USP6: variants seen among roughly 807,000 people sequenced by gnomAD.
USP6 encodes the protein ubiquitin carboxyl-terminal hydrolase 6.
A neutral mutation model predicts 175.7 loss-of-function variants in USP6; 128 were observed. The ratio of observed to expected loss-of-function variants is 0.73; its 90% confidence interval spans 0.63 to 0.84. The LOEUF (loss-of-function observed/expected upper bound fraction) is 0.84. Among genes scored for constraint, USP6 ranks in the 40% least tolerant of loss-of-function variants. The probability of loss-of-function intolerance (pLI) is 0.00; values close to 1 mark genes in which losing one functional copy is unlikely to be tolerated. For synonymous variants in USP6, 562 were observed against 630.6 expected, an observed-to-expected ratio of 0.89 and a Z score of 1.63; for missense variants, 1,498 against 1,760.3, an observed-to-expected ratio of 0.85 and a Z score of 2.67.
chr17:5,163,010 A>T lies in USP6; in HGVS notation c.3036+6A>T, dbSNP rs2307138. On this transcript the variant is annotated splice_donor_region_variant and intron_variant, in intron 33 of 37. Coordinates refer to ENST00000574788, the MANE Select transcript of USP6 (RefSeq NM_001304284.2). ...ATCAAACATCCCAGGAAAGGGTAAG[A>T]ATTTAGGGCCACCGTAAAATGGTGG... 0.77 allele frequency: 1,205,984 copies of T among 1,565,648 alleles called. 474,707 individuals carry two copies. The highest frequency in any genetic ancestry group is 0.82 in the Non-Finnish European group (950,399 of 1,165,374).
At chr17:5,117,452 G>A (rs1276447196) in intron 1 of USP6, among the ~76,000 whole-genome samples, 1 of 149,834 alleles carries the variant, frequency 6.7e-6, no homozygotes, top group Admixed American at 6.7e-5. Flanking sequence ...GGAGGCAAAG[G>A]TTGCAGTGAG....
intron 14 of USP6, 148 bp downstream of exon 14, chr17:5,133,698 C>T: frequency 8.6e-7 from 1 of 1,163,838 alleles, no homozygotes; most frequent in Non-Finnish European, 1.3e-6. Context: ...GACACAGTCA[C>T]CACAGACAAA....
chr17:5,139,137 G>A (rs780663542), intron 21 of USP6, 118 bp from the exon 22 acceptor site: 8 of 1,597,696 alleles, frequency 5.0e-6, no homozygotes, highest in Admixed American at 5.0e-5. Flanking sequence ...GTCAGTGTCA[G>A]ACCACAGGGG....
intron 32 of USP6, among the ~76,000 whole-genome samples, chr17:5,162,182 C>T (rs1166308498): frequency 1.3e-5 from 2 of 152,060 alleles, no homozygotes; most frequent in Non-Finnish European, 1.5e-5. Context: ...GATGGAGTCT[C>T]GCTGTGTCAC....
In USP6 at chr17:5,130,362, C is replaced by T. The variant is rs1379731209; in HGVS notation, c.-1-5C>T. ...GTGTAACCTTTAGACAATTTTGTCT[C>T]ACAGGATGGACATGGTAGAGAATGC... On this transcript the variant is annotated splice_polypyrimidine_tract_variant and splice_region_variant and intron_variant, in intron 9 of 37. Transcript: ENST00000574788. 6.2e-7 allele frequency: 1 copy of T among 1,613,938 alleles called. No individual in the cohort carries two copies. The highest frequency in any genetic ancestry group is 2.2e-5 in the East Asian group (1 of 44,894).
At chr17:5,123,822 C>T (rs1567769600) in intron 4 of USP6, among the ~76,000 whole-genome samples, 1 of 152,066 alleles carries the variant, frequency 6.6e-6, no homozygotes, top group South Asian at 2.1e-4. Flanking sequence ...CACACACAAA[C>T]ATGCACACAT....
chr17:5,157,505 G>A (rs1436439889), intron 31 of USP6, among the ~76,000 whole-genome samples: 1 of 152,238 alleles, frequency 6.6e-6, no homozygotes, highest in Non-Finnish European at 1.5e-5. Flanking sequence ...AAAGATGAAA[G>A]TTGGACAAGA....
At chr17:5,143,180 G>A (rs1246984519) in intron 25 of USP6, among the ~76,000 whole-genome samples, 1 of 152,184 alleles carries the variant, frequency 6.6e-6, no homozygotes, top group Admixed American at 6.5e-5. Flanking sequence ...GGAGGTGAGG[G>A]GCGCCTCTGC....
intron 30 of USP6, among the ~76,000 whole-genome samples, chr17:5,151,699 G>T (rs1032584013): frequency 3.9e-5 from 6 of 152,184 alleles, no homozygotes; most frequent in Admixed American, 3.9e-4. Context: ...GTTCACAAAT[G>T]TATGAACACC....
At chr17:5,120,564 G>C (rs2072631568) in intron 2 of USP6, 63 bp from the exon 3 acceptor site, 1 of 353,248 alleles carries the variant, frequency 2.8e-6, no homozygotes, top group Non-Finnish European at 5.5e-6. Context: ...GGGAAAGAAG[G>C]CAGGCCCCAG....
Position 5,133,645 on chromosome 17 carries a change from G to T in USP6, c.384+95G>T. 5.9e-6 allele frequency: 6 copies of T among 1,014,316 alleles called. No homozygotes were observed. In the South Asian group the frequency reaches 6.6e-5, roughly 11 times the overall value. The allele number at this position is 1,014,316 out of a possible 1,614,324, so 62.8% of individuals were successfully genotyped here. A position where few individuals can be genotyped will look rare whatever the true frequency, so the allele number is the denominator to read the frequency against. ...CGTCAAGCCCACCCTGGGGTGGGGG[G>T]GTGGGAGGGGATGGTTAGATGCACA... On this transcript the variant is annotated intron_variant, in intron 14 of 37. Coordinates refer to ENST00000574788, the MANE Select transcript of USP6 (RefSeq NM_001304284.2).
In USP6 at chr17:5,133,586, C is replaced by T. The variant is rs547318937; in HGVS notation, c.384+36C>T. The T allele has an allele frequency of 2.3e-4, 334 of 1,469,458 alleles. 1 individual carries two copies. In the South Asian group the frequency reaches 3.5e-3, roughly 16 times the overall value. The allele number at this position is 1,469,458 out of a possible 1,614,324, so 91.0% of individuals were successfully genotyped here. On this transcript the variant is annotated intron_variant, in intron 14 of 37. Transcript: ENST00000574788. ...CCAGAGCACAACAAACAGGACAGGC[C>T]GTGTCAGGGGCCCAGGTCTCCAGCT...
chr17:5,128,811 CTG>C (rs1242459186), intron 7 of USP6, 139 bp from the exon 8 acceptor site: 1 of 152,700 alleles, frequency 6.5e-6, no homozygotes, highest in East Asian at 1.9e-4. Flanking sequence ...CAGACTGCGT[CTG>C]TGTTCTACGG....
intron 15 of USP6, chr17:5,134,936 G>T (rs1363950266): frequency 1.0e-5 from 4 of 382,564 alleles, no homozygotes; most frequent in East Asian, 6.1e-5. Flanking sequence ...ACTGCACATT[G>T]GTTTGGAACC....
chr17:5,125,662 G>GCGCA (rs1555589118), intron 5 of USP6, among the ~76,000 whole-genome samples, 159 bp from the exon 6 acceptor site: 4 of 129,018 alleles, frequency 3.1e-5, no homozygotes, highest in Non-Finnish European at 4.8e-5. Flanking sequence ...ACACAAACAC[G>GCGCA]CACACACACG....
At position 5,121,396 on chromosome 17, in the gene USP6, G is replaced by A. The variant is rs553730337; in HGVS notation, c.-1653G>A. ...CCAGAGAGAGGGGCTGAACTGCGAGGTGGCCACCAACACAGAGGCCCTGCA... is the reference window on the plus strand; with the variant it reads ...CCAGAGAGAGGGGCTGAACTGCGAGATGGCCACCAACACAGAGGCCCTGCA... On this transcript the variant is annotated 5_prime_UTR_variant, in exon 4 of 38. It adds an upstream start codon to the 5' untranslated region. Transcript: ENST00000574788. The A allele has an allele frequency of 2.0e-4, 66 of 332,244 alleles. No individual in the cohort carries two copies. Among genetic ancestry groups the A allele is most frequent in the Admixed American group, 6.3e-4 (15 of 23,880 alleles). 20.6% of individuals were successfully genotyped at this position (332,244 alleles called of 1,614,324 possible). A position where few individuals can be genotyped will look rare whatever the true frequency, so the allele number is the denominator to read the frequency against.
In USP6 at chr17:5,168,987, G is replaced by A; in HGVS notation, c.3449G>A (p.Gly1150Glu). Residue 1150 changes from glycine to glutamate, a missense_variant, in exon 35 of 38, where the codon GGA becomes GAA. Coordinates refer to ENST00000574788, the MANE Select transcript of USP6 (RefSeq NM_001304284.2). The part of the protein sequence containing the change: ...VKKVDAQSSA[G>E]KEDMLLSKSP... ...AAAGTGGATGCGCAGAGTTCGGCTG[G>A]AAAAGAGGACATGCTCCTAAGCAAA... 1.2e-6 allele frequency: 2 copies of A among 1,613,998 alleles called. No individual in the cohort carries two copies. Among genetic ancestry groups the A allele is most frequent in the African/African-American group, 1.3e-5 (1 of 75,050 alleles).
At position 5,139,333 on chromosome 17, in the gene USP6, G is replaced by A; in HGVS notation, c.1157G>A (p.Arg386Lys). 6.2e-7 allele frequency: 1 copy of A among 1,612,198 alleles called. No homozygotes were observed. The highest frequency in any genetic ancestry group is 8.5e-7 in the Non-Finnish European group (1 of 1,180,028). ...GGGAAGACCCTCTGCAAGGGGTATAGGCAGGCCCCTCCAGGCCCACCAGCC... is the reference window on the plus strand; with the variant it reads ...GGGAAGACCCTCTGCAAGGGGTATAAGCAGGCCCCTCCAGGCCCACCAGCC... ...RGGKTLCKGY[R>K]QAPPGPPAQF... The change falls in exon 22 of 38, where the codon AGG becomes AAG. Residue 386 changes from arginine (R) to lysine (K), a missense_variant. By Grantham distance (26) the Arg-to-Lys change is conservative (BLOSUM62 2). Transcript: ENST00000574788.
At chr17:5,143,094 C>G (rs954320684) in intron 25 of USP6, among the ~76,000 whole-genome samples, 1 of 152,136 alleles carries the variant, frequency 6.6e-6, no homozygotes, top group Non-Finnish European at 1.5e-5. Flanking sequence ...GGGGGTCAGC[C>G]CCCCACCCGG....
Sources: allele counts gnomAD v4.1 joint callset (sites outside exome capture counted in the v4.1 genomes callset), GRCh38; gene constraint gnomAD v4.1.1; transcripts MANE v1.5; gene names NCBI Gene and HGNC (gene_info 2026-07-23, HGNC 2026-07-21).